The following NEK3 variants were observed in gnomAD, a reference collection of about 807,000 sequenced individuals.
NEK3 encodes the protein NIMA related kinase 3, also known as serine/threonine-protein kinase Nek3.
NEK3 carries 54 observed loss-of-function variants against 66.0 expected under a neutral mutation model. The observed-to-expected ratio is 0.82, with a 90% CI of 0.66 to 1.03. The LOEUF is 1.03. Among genes scored for constraint, NEK3 ranks in the 50% least tolerant of loss-of-function variants. NEK3 has a pLI of 0.00. For synonymous variants in NEK3, 200 were observed against 206.2 expected, an observed-to-expected ratio of 0.97 and a Z score of 0.26; for missense variants, 593 against 603.0, an observed-to-expected ratio of 0.98 and a Z score of 0.17.
At chr13:52,141,769 T>G (rs1163579863) in intron 10 of NEK3, among the ~76,000 whole-genome samples, 1 of 152,042 alleles carries the variant, frequency 6.6e-6, no homozygotes, top group Non-Finnish European at 1.5e-5. Flanking sequence ...TTATTCCTCT[T>G]TTTAGAAACT....
intron 5 of NEK3, among the ~76,000 whole-genome samples, chr13:52,152,140 C>A (rs1378186534): frequency 6.6e-6 from 1 of 152,080 alleles, no homozygotes; most frequent in African/African-American, 2.4e-5. Flanking sequence ...CAGGTGTTAC[C>A]TTATTTGGTT....
At chr13:52,145,394 C>T (rs1344874491) in intron 8 of NEK3, among the ~76,000 whole-genome samples, 1 of 152,158 alleles carries the variant, frequency 6.6e-6, no homozygotes, top group East Asian at 1.9e-4. Flanking sequence ...TCTTTGACCT[C>T]CTGGGCTCAA....
chr13:52,157,540 A>C (rs914439150), intron 1 of NEK3: 6 of 152,294 alleles, frequency 3.9e-5, no homozygotes, highest in African/African-American at 1.4e-4. Flanking sequence ...GGAGTGTTGC[A>C]GGGGTTGGGC....
chr13:52,148,271 G>C (rs763490231), intron 8 of NEK3, 144 bp downstream of exon 8: 34 of 678,504 alleles, frequency 5.0e-5, no homozygotes, highest in Non-Finnish European at 6.8e-5. Flanking sequence ...ACTAACTCAG[G>C]GCAGATGACT....
chr13:52,149,426 T>A (rs1403597433), intron 7 of NEK3, among the ~76,000 whole-genome samples: 4 of 152,208 alleles, frequency 2.6e-5, no homozygotes, highest in Non-Finnish European at 5.9e-5. Context: ...TAATGGTTTT[T>A]ACCAACTATT....
At chr13:52,148,546 A>G in intron 7 of NEK3, 77 bp from the exon 8 acceptor site, 9 of 1,202,904 alleles carry the variant, frequency 7.5e-6, no homozygotes, top group Non-Finnish European at 1.1e-5. Context: ...CTTACCTTTA[A>G]TAAGAATAGA....
chr13:52,133,273 G>T, intron 15 of NEK3, 47 bp from the exon 16 acceptor site: 1 of 1,425,742 alleles, frequency 7.0e-7, no homozygotes, highest in Non-Finnish European at 9.7e-7. Context: ...TAGGGGCACA[G>T]TATCTGTTGA....
intron 5 of NEK3, among the ~76,000 whole-genome samples, chr13:52,151,828 G>A (rs1490920342): frequency 6.6e-6 from 1 of 152,200 alleles, no homozygotes; most frequent in East Asian, 1.9e-4. Context: ...GGTCCCAGAA[G>A]ACTATAATAC....
At chr13:52,134,118 A>T (rs1956182109) in intron 14 of NEK3, among the ~76,000 whole-genome samples, 1 of 151,720 alleles carries the variant, frequency 6.6e-6, no homozygotes, top group Non-Finnish European at 1.5e-5. Flanking sequence ...GCAGCCTCGA[A>T]CTCCCAGGCT....
chr13:52,133,577 T>A (rs1049945327), intron 15 of NEK3, 112 bp downstream of exon 15: 60 of 1,341,110 alleles, frequency 4.5e-5, no homozygotes, highest in Non-Finnish European at 5.5e-5. Flanking sequence ...ATATAAGAGG[T>A]CCCTACTAAA....
At position 52,136,196 on chromosome 13, in the gene NEK3, T is replaced by C. The variant is rs781398268; in HGVS notation, c.1094A>G (p.Lys365Arg). Residue 365 changes from lysine to arginine, a missense_variant, in exon 13 of 16, where the codon AAA becomes AGA. Physicochemically the swap from Lys to Arg is conservative, Grantham distance 26. Coordinates refer to ENST00000610828, the MANE Select transcript of NEK3 (RefSeq NM_002498.3). ...TGTAAGAGCTGTATTGGGTACATTT[T>C]TCTCCCACTGTCGTCTATGAAGATT... ...SPNLHRRQWE[K>R]NVPNTALTAL... The C allele has an allele frequency of 1.2e-6, 2 of 1,613,866 alleles. No individual in the cohort carries two copies. Among genetic ancestry groups the C allele is most frequent in the Non-Finnish European group, 1.7e-6 (2 of 1,179,752 alleles).
intron 8 of NEK3, chr13:52,148,143 A>G (rs1480697500): frequency 3.2e-6 from 1 of 314,838 alleles, no homozygotes; most frequent in East Asian, 5.1e-5. Context: ...TATCAAAATA[A>G]AAAATTAAGA....
intron 11 of NEK3, among the ~76,000 whole-genome samples, chr13:52,138,099 CCCT>C (rs1230571844): frequency 1.3e-5 from 2 of 152,186 alleles, no homozygotes; most frequent in African/African-American, 2.4e-5. Context: ...TAGCTCACTG[CCCT>C]CCTCAACTTC....
chr13:52,159,253 C>CG (rs1266887540), intron 1 of NEK3: 1 of 152,066 alleles, frequency 6.6e-6, no homozygotes, highest in Non-Finnish European at 1.5e-5. Flanking sequence ...CCGGCGCCCG[C>CG]GGGGCAACTG....
intron 7 of NEK3, among the ~76,000 whole-genome samples, chr13:52,149,141 C>T (rs7999327): frequency 2.0e-5 from 3 of 151,916 alleles, no homozygotes; most frequent in East Asian, 1.9e-4. Context: ...CCTCGTGATC[C>T]GCGCGCCTCA....
intron 1 of NEK3, among the ~76,000 whole-genome samples, chr13:52,158,916 A>T (rs1405145440): frequency 6.6e-6 from 1 of 152,168 alleles, no homozygotes; most frequent in African/African-American, 2.4e-5. Flanking sequence ...ATTCTAGCAC[A>T]GAGGCTAGGA....
chr13:52,159,038 C>G (rs952024508), intron 1 of NEK3, among the ~76,000 whole-genome samples: 1 of 152,322 alleles, frequency 6.6e-6, no homozygotes, highest in East Asian at 1.9e-4. Flanking sequence ...GATTTCATCC[C>G]CAGCCGGTCA....
intron 8 of NEK3, among the ~76,000 whole-genome samples, chr13:52,145,944 AAATAAAAATTT>A (rs1956292610): frequency 6.6e-6 from 1 of 152,216 alleles, no homozygotes; most frequent in Non-Finnish European, 1.5e-5. Flanking sequence ...CCAGAACTTA[AAATAAAAATTT>A]TAAATAAGAT....
At chr13:52,144,999 G>T in intron 8 of NEK3, 108 bp from the exon 9 acceptor site, 1 of 752,104 alleles carries the variant, frequency 1.3e-6, no homozygotes, top group Non-Finnish European at 2.2e-6. Flanking sequence ...CTGCTGTCTG[G>T]TCATTTTTCT....
Sources: gnomAD v4.1 joint callset for allele counts (sites outside exome capture counted in the v4.1 genomes callset) on GRCh38, gnomAD v4.1.1 for gene constraint, MANE v1.5 for transcripts, NCBI Gene and HGNC (gene_info 2026-07-23, HGNC 2026-07-21) for gene names.